Variants in ASXL1 observed in about 807,000 individuals in gnomAD.
ASXL1 encodes the protein polycomb group protein ASXL1.
Under a neutral mutation model 89.1 loss-of-function variants are expected in ASXL1, and 65 were observed. That is an observed-to-expected ratio of 0.73 (90% CI 0.60 to 0.90). ASXL1 has a LOEUF of 0.90. ASXL1 is among the 40% of genes least tolerant of loss of function. The pLI, the probability that ASXL1 is intolerant of heterozygous loss-of-function variation, is 0.00. For missense variants in ASXL1, 1,786 were observed against 1,942.9 expected (o/e 0.92, Z 1.52); for synonymous variants, 739 against 746.9 (o/e 0.99, Z 0.17).
At chr20:32,365,682 C>G (rs546183075) in intron 1 of ASXL1, among the ~76,000 whole-genome samples, 6 of 152,266 alleles carry the variant, frequency 3.9e-5, no homozygotes, top group African/African-American at 1.4e-4. Flanking sequence ...GAAAATACTG[C>G]AATACTGCCA....
At chr20:32,392,049 G>A (rs972947647) in intron 4 of ASXL1, among the ~76,000 whole-genome samples, 5 of 151,444 alleles carry the variant, frequency 3.3e-5, no homozygotes, top group African/African-American at 1.2e-4. Context: ...CTTTTACTTG[G>A]GATGCTTGGA....
chr20:32,391,872 C>T (rs1011697864), intron 4 of ASXL1, among the ~76,000 whole-genome samples: 1 of 152,124 alleles, frequency 6.6e-6, no homozygotes, highest in African/African-American at 2.4e-5. Flanking sequence ...TATAGTCACT[C>T]CAGTTCTTTT....
Position 32,438,843 on chromosome 20 carries a change from C to T in ASXL1, c.*1505C>T. Reference sequence around the variant, plus strand: ...GGAAGAAACAAAGCCATGCCTGCTCCTGCCTCTCTCCCAACATGTTTCCAG... The same window carrying T: ...GGAAGAAACAAAGCCATGCCTGCTCTTGCCTCTCTCCCAACATGTTTCCAG... On this transcript the variant is annotated 3_prime_UTR_variant, in exon 13 of 13. Transcript: ENST00000375687. The T allele has an allele frequency of 4.3e-6, 1 of 233,556 alleles. No homozygotes were observed. The highest frequency in any genetic ancestry group is 8.5e-6 in the Non-Finnish European group (1 of 118,098). 14.5% of individuals were successfully genotyped at this position (233,556 alleles called of 1,614,324 possible). A position where few individuals can be genotyped will look rare whatever the true frequency, so the allele number is the denominator to read the frequency against.
Position 32,435,529 on chromosome 20 carries a change from AT to A in ASXL1, c.2819del (p.Leu940CysfsTer5). ...AGAAAGCTGCTCCCACCCCTCCTGC[AT>A]TGCCTGGGGATTTGACAGCTGAGGA... Reference protein sequence around the residue: ...WEKAAPTPPALPGDLTAEEGL... With the variant: ...WEKAAPTPPAXPGDLTAEEGL... On this transcript the variant is annotated frameshift_variant, in exon 13 of 13. Transcript: ENST00000375687. LOFTEE classifies it low-confidence loss of function (END_TRUNC). The A allele has an allele frequency of 6.2e-7, 1 of 1,614,064 alleles. No individual in the cohort carries two copies. The highest frequency in any genetic ancestry group is 8.5e-7 in the Non-Finnish European group (1 of 1,180,022).
intron 4 of ASXL1, among the ~76,000 whole-genome samples, chr20:32,371,574 A>C (rs2122853063): frequency 6.6e-6 from 1 of 152,202 alleles, no homozygotes; most frequent in East Asian, 1.9e-4. Flanking sequence ...GACGTGGGCC[A>C]CTGCACCTGG....
intron 4 of ASXL1, chr20:32,372,420 A>G: frequency 9.1e-7 from 1 of 1,094,356 alleles, no homozygotes; most frequent in Non-Finnish European, 1.1e-6. Context: ...TGCTCTTTTA[A>G]TGGATTAATG....
chr20:32,401,411 A>G (rs2048868659), intron 4 of ASXL1, among the ~76,000 whole-genome samples: 1 of 152,136 alleles, frequency 6.6e-6, no homozygotes, highest in Admixed American at 6.6e-5. Flanking sequence ...CACTTTCGCT[A>G]TAATTTTATC....
intron 4 of ASXL1, among the ~76,000 whole-genome samples, chr20:32,421,167 A>G (rs1375538112): frequency 6.6e-6 from 1 of 151,814 alleles, no homozygotes; most frequent in Non-Finnish European, 1.5e-5. Flanking sequence ...GCAAACCACC[A>G]TGGCACATGT....
chr20:32,373,114 C>T (rs1055348974), intron 4 of ASXL1, among the ~76,000 whole-genome samples: 5 of 150,620 alleles, frequency 3.3e-5, no homozygotes, highest in African/African-American at 7.3e-5. Flanking sequence ...CAGTGGCTCA[C>T]GCCTGTAATC....
At chr20:32,426,393 G>A (rs1231645862) in intron 4 of ASXL1, among the ~76,000 whole-genome samples, 2 of 151,908 alleles carry the variant, frequency 1.3e-5, no homozygotes, top group Admixed American at 6.6e-5. Flanking sequence ...ATCTTAGTTT[G>A]CCCATGAGAG....
chr20:32,412,725 T>TG (rs1426937424), intron 4 of ASXL1, among the ~76,000 whole-genome samples: 3 of 146,858 alleles, frequency 2.0e-5, no homozygotes, highest in Admixed American at 6.8e-5. Context: ...GCTGGCTAAT[T>TG]TTTTTTTTTT....
Position 32,438,845 on chromosome 20 carries a change from G to C in ASXL1, c.*1507G>C. 1 of 233,462 alleles carries C rather than the reference G, an allele frequency of 4.3e-6. No homozygotes were observed. The highest frequency in any genetic ancestry group is 8.5e-6 in the Non-Finnish European group (1 of 118,068). 14.5% of individuals were successfully genotyped at this position (233,462 alleles called of 1,614,324 possible). A position where few individuals can be genotyped will look rare whatever the true frequency, so the allele number is the denominator to read the frequency against. On this transcript the variant is annotated 3_prime_UTR_variant, in exon 13 of 13. Transcript: ENST00000375687. The stretch of plus-strand genomic sequence containing the variant: ...AAGAAACAAAGCCATGCCTGCTCCT[G>C]CCTCTCTCCCAACATGTTTCCAGCA...
At chr20:32,432,768 G>A (rs1569322838) in intron 10 of ASXL1, 112 bp from the exon 11 acceptor site, 2 of 1,320,254 alleles carry the variant, frequency 1.5e-6, no homozygotes, top group Non-Finnish European at 2.1e-6. Flanking sequence ...AGCATGATGT[G>A]AGAGAGCCTT....
rs1014600444 is a variant in ASXL1, at chr20:32,427,616, G to A, written c.253-512G>A. On this transcript the variant is annotated intron_variant, in intron 4 of 12. Transcript: ENST00000375687. ...TCTCTACTGCCAACCTGTCTGTCTA[G>A]TTGCTAATTTATTTTAAAACCCAGC... is the stretch of plus-strand genomic sequence containing the variant. 1.3e-4 allele frequency: 24 copies of A among 182,958 alleles called. 1 individual carries two copies. In the South Asian group the frequency reaches 2.6e-3, roughly 20 times the overall value. 11.3% of individuals were successfully genotyped at this position (182,958 alleles called of 1,614,324 possible). A position where few individuals can be genotyped will look rare whatever the true frequency, so the allele number is the denominator to read the frequency against.
chr20:32,398,673 G>A (rs1267962280), intron 4 of ASXL1, among the ~76,000 whole-genome samples: 1 of 147,858 alleles, frequency 6.8e-6, no homozygotes, highest in African/African-American at 2.5e-5. Context: ...GCAGTGGCGG[G>A]ATCTCGGCTC....
chr20:32,364,236 G>A (rs1158924420), intron 1 of ASXL1, among the ~76,000 whole-genome samples: 1 of 152,038 alleles, frequency 6.6e-6, no homozygotes, highest in Non-Finnish European at 1.5e-5. Flanking sequence ...TATTTTTTGA[G>A]ACAGGGTCTC....
intron 1 of ASXL1, among the ~76,000 whole-genome samples, chr20:32,363,316 A>G (rs2048152810): frequency 6.6e-6 from 1 of 152,194 alleles, no homozygotes; most frequent in Admixed American, 6.5e-5. Context: ...ATTAGTATCA[A>G]AGAAATGTTA....
chr20:32,370,986 AAAG>A (rs2048292579), intron 4 of ASXL1, among the ~76,000 whole-genome samples: 1 of 150,200 alleles, frequency 6.7e-6, no homozygotes, highest in African/African-American at 2.5e-5. Context: ...AAAAAAAAAA[AAAG>A]CCTTGCGTGG....
At position 32,366,445 on chromosome 20, in the gene ASXL1, C is replaced by T. The variant is rs774677279; in HGVS notation, c.119C>T (p.Ala40Val). Reference sequence around the variant, plus strand: ...AAACAGATTCTGCAGGTCATAGAGGCAGAAGGACTAAAGGAAATGAGGTTT... The same window carrying T: ...AAACAGATTCTGCAGGTCATAGAGGTAGAAGGACTAAAGGAAATGAGGTTT... Reference protein sequence around the residue: ...TPKQILQVIEAEGLKEMRSGT... With the variant: ...TPKQILQVIEVEGLKEMRSGT... Residue 40 changes from alanine (A) to valine (V), a missense_variant, in exon 2 of 13, where the codon GCA becomes GTA. By Grantham distance (64) the Ala-to-Val change is moderately conservative. Around this residue, in one of 3 missense-constraint regions of ASXL1, gnomAD observed 332 missense variants for 449.7 expected, o/e 0.74. Coordinates refer to ENST00000375687, the MANE Select transcript of ASXL1 (RefSeq NM_015338.6). The T allele has an allele frequency of 1.2e-6, 2 of 1,613,794 alleles. No homozygotes were observed. The highest frequency in any genetic ancestry group is 1.7e-6 in the Non-Finnish European group (2 of 1,179,850).
Sources: gnomAD v4.1 joint callset for allele counts (sites outside exome capture counted in the v4.1 genomes callset) on GRCh38, gnomAD v4.1.1 for gene constraint, gnomAD v4.1.1 regional missense constraint, MANE v1.5 for transcripts, NCBI Gene and HGNC (gene_info 2026-07-23, HGNC 2026-07-21) for gene names.